KRT75: variants seen among roughly 807,000 people sequenced by gnomAD.
KRT75 encodes the protein keratin, type II cytoskeletal 75.
In KRT75, 35 loss-of-function variants were observed where a neutral mutation model predicts 48.8. The observed-to-expected ratio is 0.72, with a 90% CI of 0.55 to 0.95. The LOEUF (loss-of-function observed/expected upper bound fraction) is 0.95. Ranked by LOEUF, KRT75 falls within the 40% of genes least tolerant of loss-of-function variation. KRT75 has a pLI of 0.00. For missense variants in KRT75, 776 were observed against 709.9 expected (o/e 1.09, Z -1.06); for synonymous variants, 301 against 282.3 (o/e 1.07, Z -0.66).
In KRT75 at chr12:52,433,525, G is replaced by C. The variant is rs184932473; in HGVS notation, c.499-273C>G. Among the ~76,000 whole-genome samples the C allele has an allele frequency of 4.6e-5, 7 of 151,828 alleles. No individual in the cohort carries two copies. The East Asian group carries it at 9.7e-4, about 21-fold the overall frequency. On this transcript the variant is annotated intron_variant, in intron 1 of 8. Coordinates refer to ENST00000252245, the MANE Select transcript of KRT75 (RefSeq NM_004693.3). ...CTCAACACCACCTACTCTGGGTTAG[G>C]GTAGTTTGCTGAGCAGCAACTCTCC... is the stretch of plus-strand genomic sequence containing the variant.
chr12:52,431,268 G>A (rs1219558301), intron 4 of KRT75, among the ~76,000 whole-genome samples: 1 of 151,958 alleles, frequency 6.6e-6, no homozygotes, highest in African/African-American at 2.4e-5. Flanking sequence ...AAATTACCCA[G>A]TGTCCTAGAA....
chr12:52,428,579 T>C (rs1565791822), intron 6 of KRT75, 39 bp downstream of exon 6: 2 of 1,614,144 alleles, frequency 1.2e-6, no homozygotes, highest in Middle Eastern at 1.6e-4. Flanking sequence ...CCAGAAGAAA[T>C]GAGCATTTGA....
intron 2 of KRT75, 152 bp downstream of exon 2, chr12:52,432,886 C>T: frequency 1.3e-6 from 1 of 745,220 alleles, no homozygotes; most frequent in South Asian, 1.5e-5. Context: ...CTTGTGCTAC[C>T]CCACACAGTG....
chr12:52,425,157 C>T (rs1214173386), intron 8 of KRT75, among the ~76,000 whole-genome samples: 1 of 152,142 alleles, frequency 6.6e-6, no homozygotes, highest in Non-Finnish European at 1.5e-5. Flanking sequence ...GTCTCCCAGC[C>T]CCACACTCAG....
chr12:52,426,679 C>G (rs1940079389), intron 8 of KRT75, 138 bp downstream of exon 8: 2 of 923,414 alleles, frequency 2.2e-6, no homozygotes, highest in Admixed American at 3.5e-5. Flanking sequence ...GACCCAAAAC[C>G]TCAAACCTTC....
chr12:52,426,803 T>C lies in KRT75; in HGVS notation c.1417+14A>G. On this transcript the variant is annotated intron_variant, in intron 8 of 8. Transcript: ENST00000252245. ...CACACACTCCAAATGGCCCAAGAAG[T>C]ATGTCATACTCACAAATGTTAACTG... 6.2e-7 allele frequency: 1 copy of C among 1,613,564 alleles called. No homozygotes were observed. Among genetic ancestry groups the C allele is most frequent in the Non-Finnish European group, 8.5e-7 (1 of 1,179,598 alleles).
At chr12:52,429,772 A>G (rs1015943900) in intron 5 of KRT75, among the ~76,000 whole-genome samples, 8 of 152,192 alleles carry the variant, frequency 5.3e-5, no homozygotes, top group African/African-American at 1.9e-4. Flanking sequence ...GAGGCAACGT[A>G]TGGAGCAGGG....
At chr12:52,426,908 C>T in intron 7 of KRT75, 57 bp from the exon 8 acceptor site, 12 of 1,452,110 alleles carry the variant, frequency 8.3e-6, no homozygotes, top group Non-Finnish European at 9.7e-6. Flanking sequence ...AGCTTAAGGG[C>T]CTTTGCAATG....
Position 52,428,362 on chromosome 12 carries a change from C to A in KRT75, c.1276G>T (p.Asp426Tyr). ...LEEALQKAKQ[D>Y]MARLLREYQE... ...TACTCACGCAGGAGCCGAGCCATGTCCTGCTTGGCCTTCTGCAGGGCCTCC... is the reference window on the plus strand; with the variant it reads ...TACTCACGCAGGAGCCGAGCCATGTACTGCTTGGCCTTCTGCAGGGCCTCC... Residue 426 changes from aspartate (D) to tyrosine (Y), a missense_variant, in exon 7 of 9, where the codon GAC (aspartate) becomes TAC (tyrosine). By Grantham distance (160) the Asp-to-Tyr change is radical. Coordinates refer to ENST00000252245, the MANE Select transcript of KRT75 (RefSeq NM_004693.3). 6.2e-7 allele frequency: 1 copy of A among 1,614,194 alleles called. No individual in the cohort carries two copies. Among genetic ancestry groups the A allele is most frequent in the South Asian group, 1.1e-5 (1 of 91,088 alleles).
At chr12:52,429,306 G>A (rs1010898854) in intron 5 of KRT75, among the ~76,000 whole-genome samples, 1 of 152,174 alleles carries the variant, frequency 6.6e-6, no homozygotes, top group Non-Finnish European at 1.5e-5. Flanking sequence ...GAAACAGGGA[G>A]GAGATATGGG....
rs376231610 is a variant in KRT75 at position 52,428,600 on chromosome 12, G to A, written c.1161+18C>T. On this transcript the variant is annotated intron_variant, in intron 6 of 8. Coordinates refer to ENST00000252245, the MANE Select transcript of KRT75 (RefSeq NM_004693.3). ...GAAATGAGCATTTGAGGAGCTCTTG[G>A]CCCTGCCAAATCTTTACCTGCTTCT... The A allele has an allele frequency of 1.9e-4, 311 of 1,614,090 alleles. No individual in the cohort carries two copies. Among genetic ancestry groups the A allele is most frequent in the Non-Finnish European group, 2.5e-4 (297 of 1,180,052 alleles).
chr12:52,424,504 C>A lies in KRT75; in HGVS notation c.*13G>T, dbSNP rs755363242. 39 of 1,610,938 alleles carry A rather than the reference C, an allele frequency of 2.4e-5. No individual in the cohort carries two copies. The highest frequency in any genetic ancestry group is 3.1e-5 in the Non-Finnish European group (37 of 1,177,210). ...AGGCCTCAAGGCAGGGTAGAGGGAG[C>A]CATGGGGCTCTCTTAGTGCGTGTAG... On this transcript the variant is annotated 3_prime_UTR_variant, in exon 9 of 9. Coordinates refer to ENST00000252245, the MANE Select transcript of KRT75 (RefSeq NM_004693.3).
chr12:52,431,661 T>C (rs1317804650), intron 3 of KRT75, 23 bp from the exon 4 acceptor site: 20 of 1,516,148 alleles, frequency 1.3e-5, no homozygotes, highest in Non-Finnish European at 2.7e-6. Context: ...CGCAGGATGC[T>C]CCTTTGAGTC....
intron 3 of KRT75, 86 bp downstream of exon 3, chr12:52,431,920 G>A: frequency 7.9e-7 from 1 of 1,270,158 alleles, no homozygotes; most frequent in Non-Finnish European, 1.2e-6. Context: ...ACATTTCTTG[G>A]GTGGCCCAAG....
chr12:52,432,468 C>T (rs1440317849), intron 2 of KRT75, among the ~76,000 whole-genome samples: 1 of 152,076 alleles, frequency 6.6e-6, no homozygotes, highest in Non-Finnish European at 1.5e-5. Context: ...TCAGGGTGGC[C>T]CCTGAGAAAT....
intron 7 of KRT75, among the ~76,000 whole-genome samples, chr12:52,427,714 A>T (rs1446649330): frequency 6.6e-6 from 1 of 152,210 alleles, no homozygotes; most frequent in Non-Finnish European, 1.5e-5. Context: ...ATTGTTATTC[A>T]CATTTTATTG....
At chr12:52,432,748 T>C (rs1351199954) in intron 2 of KRT75, among the ~76,000 whole-genome samples, 2 of 152,264 alleles carry the variant, frequency 1.3e-5, no homozygotes, top group Non-Finnish European at 2.9e-5. Context: ...AACAATATGC[T>C]GACTGTGAAA....
At chr12:52,428,221 T>C in intron 7 of KRT75, 35 bp downstream of exon 7, 1 of 1,612,250 alleles carries the variant, frequency 6.2e-7, no homozygotes, top group Non-Finnish European at 8.5e-7. Context: ...TGAGCTCAAC[T>C]TGCTTTGAGG....
In KRT75 at chr12:52,424,619, A is replaced by G; in HGVS notation, c.1554T>C (p.Gly518=). 6.2e-7 allele frequency: 1 copy of G among 1,613,972 alleles called. No homozygotes were observed. Among genetic ancestry groups the G allele is most frequent in the East Asian group, 2.2e-5 (1 of 44,856 alleles). Reference sequence around the variant, plus strand: ...GGTTGCTGGTGGCACTGAATCCAGAACCTCCCAGGCCTGCACCCAGGCTAT... The same window carrying G: ...GGTTGCTGGTGGCACTGAATCCAGAGCCTCCCAGGCCTGCACCCAGGCTAT... The part of the protein sequence containing the change: ...GGHSLGAGLG[G]SGFSATSNRG... Residue 518 remains glycine, a synonymous_variant, in exon 9 of 9, where the codon GGT becomes GGC. Transcript: ENST00000252245.
Sources: allele counts gnomAD v4.1 joint callset (sites outside exome capture counted in the v4.1 genomes callset), GRCh38; gene constraint gnomAD v4.1.1; transcripts MANE v1.5; gene names NCBI Gene and HGNC (gene_info 2026-07-23, HGNC 2026-07-21).